SYT17: variants seen among roughly 807,000 people sequenced by gnomAD.
SYT17 encodes the protein synaptotagmin 17, also known as synaptotagmin-17.
SYT17 carries 22 observed loss-of-function variants against 46.7 expected under a neutral mutation model. That is an observed-to-expected ratio of 0.47 (90% CI 0.34 to 0.67). The LOEUF (loss-of-function observed/expected upper bound fraction) is 0.67. Among genes scored for constraint, SYT17 ranks in the 30% least tolerant of loss-of-function variants. The pLI is 0.01. For missense variants in SYT17, 519 were observed against 612.8 expected (o/e 0.85, Z 1.62); for synonymous variants, 251 against 248.4 (o/e 1.01, Z -0.10).
intron 7 of SYT17, among the ~76,000 whole-genome samples, chr16:19,233,857 C>G (rs1330526517): frequency 6.6e-6 from 1 of 152,112 alleles, no homozygotes; most frequent in African/African-American, 2.4e-5. Context: ...CAGCCCCACC[C>G]TGGCCACAGC....
intron 7 of SYT17, among the ~76,000 whole-genome samples, chr16:19,240,780 C>T (rs536438105): frequency 9.8e-5 from 15 of 152,298 alleles, no homozygotes; most frequent in Middle Eastern, 3.4e-3. Flanking sequence ...GAGGCACCTG[C>T]AGGCCAGTGG....
At position 19,257,088 on chromosome 16, in the gene SYT17, C is replaced by T. The variant is rs2285606; in HGVS notation, c.1229-9792C>T. On this transcript the variant is annotated intron_variant, in intron 7 of 7. Transcript: ENST00000355377. ...AACAACATATATAAAGTGCTTTTCT[C>T]AGTTCGTAGTACACAGACCTCAAGA... Among the ~76,000 whole-genome samples, 245 of 152,242 alleles carry T rather than the reference C, an allele frequency of 1.6e-3. 4 individuals carry two copies. In the East Asian group the frequency reaches 0.028, roughly 18 times the overall value.
intron 7 of SYT17, among the ~76,000 whole-genome samples, chr16:19,261,205 TC>T (rs1474034837): frequency 2.0e-5 from 3 of 152,230 alleles, no homozygotes; most frequent in African/African-American, 7.2e-5. Context: ...GTGATGGCAA[TC>T]TTGATATTCT....
At chr16:19,248,575 C>A (rs1382339555) in intron 7 of SYT17, among the ~76,000 whole-genome samples, 1 of 152,164 alleles carries the variant, frequency 6.6e-6, no homozygotes, top group African/African-American at 2.4e-5. Flanking sequence ...AATCTCCACA[C>A]TTTGGGAGGC....
At chr16:19,248,931 G>T (rs532828334) in intron 7 of SYT17, among the ~76,000 whole-genome samples, 1 of 152,130 alleles carries the variant, frequency 6.6e-6, no homozygotes, top group Admixed American at 6.5e-5. Context: ...GAATGCAAAT[G>T]ACTATATACT....
At chr16:19,264,189 A>T (rs1969201673) in intron 7 of SYT17, among the ~76,000 whole-genome samples, 2 of 152,346 alleles carry the variant, frequency 1.3e-5, no homozygotes, top group Middle Eastern at 3.4e-3. Flanking sequence ...AACTGTGAGC[A>T]ATAAGTTTTT....
intron 7 of SYT17, among the ~76,000 whole-genome samples, chr16:19,242,740 G>T (rs867488740): frequency 1.3e-5 from 2 of 152,008 alleles, no homozygotes; most frequent in Non-Finnish European, 1.5e-5. Context: ...TGTTGCCCAG[G>T]CTGGTCTTGA....
chr16:19,225,971 A>C (rs1966483261), intron 7 of SYT17, among the ~76,000 whole-genome samples: 1 of 152,248 alleles, frequency 6.6e-6, no homozygotes, highest in African/African-American at 2.4e-5. Flanking sequence ...GAAGAGTGGG[A>C]GGTGGGAACC....
rs1449765957 is a variant in SYT17, at chr16:19,168,967, GCACCCCA to G, written c.15+308_15+314del. 6.6e-6 allele frequency among the ~76,000 whole-genome samples: 1 copy of G among 151,488 alleles called. No homozygotes were observed. The highest frequency in any genetic ancestry group is 1.5e-5 in the Non-Finnish European group (1 of 67,752). The stretch of plus-strand genomic sequence containing the variant: ...CTCCCCTGCCCCCTCCCTCTCCTTG[GCACCCCA>G]CCCCAGGGGAGGGGCCGTGGGGAGG... On this transcript the variant is annotated intron_variant, in intron 1 of 7. Transcript: ENST00000355377. The surrounding 1 kb of genome is among the most constrained non-coding windows in gnomAD (Gnocchi z 6.9).
At chr16:19,173,321 C>A in intron 2 of SYT17, 109 bp from the exon 3 acceptor site, 1 of 702,024 alleles carries the variant, frequency 1.4e-6, no homozygotes, top group Admixed American at 3.0e-5. Flanking sequence ...ATTTCTCATC[C>A]GAGATCGGCT....
At chr16:19,222,714 G>T (rs1966365533) in intron 5 of SYT17, among the ~76,000 whole-genome samples, 1 of 152,180 alleles carries the variant, frequency 6.6e-6, no homozygotes, top group East Asian at 1.9e-4. Flanking sequence ...GTTAAACAGA[G>T]TTAATACTAA....
At chr16:19,215,837 T>A (rs936195914) in intron 5 of SYT17, among the ~76,000 whole-genome samples, 3 of 152,144 alleles carry the variant, frequency 2.0e-5, no homozygotes, top group African/African-American at 7.2e-5. Flanking sequence ...GACTTACAAT[T>A]CCACGTGGCT....
intron 7 of SYT17, among the ~76,000 whole-genome samples, chr16:19,253,052 G>T (rs574663489): frequency 6.6e-6 from 1 of 152,134 alleles, no homozygotes; most frequent in African/African-American, 2.4e-5. Flanking sequence ...ACCACACTTC[G>T]GGAACCACTG....
intron 1 of SYT17, chr16:19,170,511 C>G (rs2142493924): frequency 6.6e-6 from 1 of 152,224 alleles, no homozygotes; most frequent in South Asian, 2.1e-4. Context: ...CCAGGAGACC[C>G]AATGCCAGAA....
At chr16:19,187,170 G>A (rs1017867947) in intron 5 of SYT17, among the ~76,000 whole-genome samples, 10 of 152,098 alleles carry the variant, frequency 6.6e-5, no homozygotes, top group Non-Finnish European at 1.3e-4. Flanking sequence ...GAGTAGCTGG[G>A]ACTACAGTTG....
At chr16:19,214,511 T>G (rs1396920635) in intron 5 of SYT17, among the ~76,000 whole-genome samples, 4 of 152,038 alleles carry the variant, frequency 2.6e-5, no homozygotes, top group Non-Finnish European at 5.9e-5. Flanking sequence ...TCGTCAGCTT[T>G]TAGATGTAGC....
At chr16:19,226,824 G>A (rs980128083) in intron 7 of SYT17, among the ~76,000 whole-genome samples, 2 of 152,180 alleles carry the variant, frequency 1.3e-5, no homozygotes, top group African/African-American at 2.4e-5. Context: ...GATGAGGAGA[G>A]GACCCCAGGG....
At chr16:19,204,714 G>A (rs918915275) in intron 5 of SYT17, among the ~76,000 whole-genome samples, 4 of 152,078 alleles carry the variant, frequency 2.6e-5, no homozygotes, top group African/African-American at 9.7e-5. Flanking sequence ...CCCCTCCCCT[G>A]AAGAATCTGA....
At chr16:19,250,986 G>A (rs1968020147) in intron 7 of SYT17, among the ~76,000 whole-genome samples, 1 of 151,968 alleles carries the variant, frequency 6.6e-6, no homozygotes, top group African/African-American at 2.4e-5. Flanking sequence ...CCTTCATTCA[G>A]CATTATCTTC....
Sources: allele counts gnomAD v4.1 joint callset (sites outside exome capture counted in the v4.1 genomes callset), GRCh38; gene constraint gnomAD v4.1.1; non-coding constraint Gnocchi (gnomAD v3.1); transcripts MANE v1.5; gene names NCBI Gene and HGNC (gene_info 2026-07-23, HGNC 2026-07-21).